The following XCR1 variants were observed in gnomAD, a reference collection of about 807,000 sequenced individuals.
The protein encoded by XCR1 is X-C motif chemokine receptor 1, also known as chemokine XC receptor 1.
For synonymous variants in XCR1, 187 were observed against 188.5 expected, an observed-to-expected ratio of 0.99 and a Z score of 0.06; for missense variants, 356 against 424.2, an observed-to-expected ratio of 0.84 and a Z score of 1.41.
In XCR1 at chr3:46,021,366, G is replaced by A. The variant is rs1443687209; in HGVS notation, c.582C>T (p.Phe194=). Residue 194 remains phenylalanine (F), a synonymous_variant, in exon 2 of 2, where the codon TTC becomes TTT. Transcript: ENST00000309285. This position sits in a 1 kb window ranked among gnomAD's most constrained non-coding sequence, Gnocchi z 4.7. ...LTSVYQHNLF[F]LLSLGIILFC... Reference sequence around the variant, plus strand: ...ACAGGATAATCCCCAGGGACAGCAGGAAGAAGAGGTTGTGCTGGTAGACGG... The same window carrying A: ...ACAGGATAATCCCCAGGGACAGCAGAAAGAAGAGGTTGTGCTGGTAGACGG... 1.9e-6 allele frequency: 3 copies of A among 1,614,206 alleles called. No individual in the cohort carries two copies. The highest frequency in any genetic ancestry group is 1.1e-5 in the South Asian group (1 of 91,084).
At chr3:46,071,777 A>T (rs1303840126) in intron 3 of XCR1, among the ~76,000 whole-genome samples, 1 of 152,152 alleles carries the variant, frequency 6.6e-6, no homozygotes, top group African/African-American at 2.4e-5. Flanking sequence ...TGATAAAAAC[A>T]CTCAACAAAC....
At chr3:46,047,528 AT>A (rs1184268955) in intron 5 of XCR1, among the ~76,000 whole-genome samples, 2 of 152,362 alleles carry the variant, frequency 1.3e-5, no homozygotes, top group African/African-American at 4.8e-5. Context: ...GAGTGGTGAT[AT>A]TCTTTACAAA....
At chr3:46,083,146 A>G (rs1018779268) in intron 1 of XCR1, among the ~76,000 whole-genome samples, 6 of 152,346 alleles carry the variant, frequency 3.9e-5, no homozygotes, top group East Asian at 1.9e-4. Flanking sequence ...ACTAAAATCC[A>G]TGATGTTGTT....
intron 1 of XCR1, among the ~76,000 whole-genome samples, chr3:46,083,524 C>G (rs1698415381): frequency 6.6e-6 from 1 of 152,182 alleles, no homozygotes. Flanking sequence ...ATCTGGCTGG[C>G]CATCAAGAAG....
intron 5 of XCR1, among the ~76,000 whole-genome samples, chr3:46,049,587 A>G (rs1305079053): frequency 6.6e-6 from 1 of 151,670 alleles, no homozygotes; most frequent in African/African-American, 2.4e-5. Context: ...AATCACAGAC[A>G]ATTTTGATAG....
At chr3:46,050,842 C>A (rs1697727786) in intron 5 of XCR1, among the ~76,000 whole-genome samples, 1 of 152,162 alleles carries the variant, frequency 6.6e-6, no homozygotes. Flanking sequence ...GGAAGGTAAA[C>A]CTTGCTGTAA....
intron 1 of XCR1, among the ~76,000 whole-genome samples, chr3:46,025,070 G>A (rs756556315): frequency 1.9e-4 from 29 of 152,132 alleles, no homozygotes; most frequent in Non-Finnish European, 2.6e-4. Context: ...CTTTAAATGC[G>A]TGTATTAGAA....
intron 1 of XCR1, chr3:46,023,207 CAG>C (rs1163420483): frequency 5.9e-6 from 3 of 505,638 alleles, no homozygotes; most frequent in African/African-American, 2.0e-5. Context: ...CCTCTGCGCC[CAG>C]AGAGGACGCG....
chr3:46,035,714 G>A (rs2125896525), intron 5 of XCR1, among the ~76,000 whole-genome samples: 1 of 152,344 alleles, frequency 6.6e-6, no homozygotes, highest in Non-Finnish European at 1.5e-5. Flanking sequence ...GGCCCAGACA[G>A]CAGGAGATGC....
At chr3:46,062,482 T>C (rs9311384) in intron 4 of XCR1, among the ~76,000 whole-genome samples, 112,414 of 152,214 alleles carry the variant, frequency 0.74, 41,904 homozygotes, top group East Asian at 0.99. Flanking sequence ...CTCAGAACTT[T>C]CTATGTTACG....
chr3:46,026,965 C>T (rs1352923766), intron 1 of XCR1, among the ~76,000 whole-genome samples: 3 of 151,358 alleles, frequency 2.0e-5, no homozygotes, highest in African/African-American at 7.3e-5. Flanking sequence ...GATCACATCT[C>T]AACCTCCTGA....
intron 4 of XCR1, among the ~76,000 whole-genome samples, chr3:46,058,061 C>T (rs988289714): frequency 1.3e-5 from 2 of 152,148 alleles, no homozygotes; most frequent in African/African-American, 2.4e-5. Context: ...AAGCCTGACT[C>T]ATATGGATTT....
chr3:46,040,632 T>C (rs1282171841), intron 5 of XCR1, among the ~76,000 whole-genome samples: 1 of 152,102 alleles, frequency 6.6e-6, no homozygotes, highest in Non-Finnish European at 1.5e-5. Flanking sequence ...TAAATTGTTG[T>C]ATGCCACAGA....
In XCR1 at chr3:46,020,649, A is replaced by C; in HGVS notation, c.*297T>G. ...TCCTTTCATGTCTTAGAACCTTCTG[A>C]ACTAAACAGTGATTAGAAACACATG... is the stretch of plus-strand genomic sequence containing the variant. On this transcript the variant is annotated 3_prime_UTR_variant, in exon 2 of 2. Transcript: ENST00000309285. 3 of 435,638 alleles carry C rather than the reference A, an allele frequency of 6.9e-6. No individual in the cohort carries two copies. Among genetic ancestry groups the C allele is most frequent in the Non-Finnish European group, 1.2e-5 (3 of 241,284 alleles). 27.0% of individuals were successfully genotyped at this position (435,638 alleles called of 1,614,324 possible).
intron 1 of XCR1, among the ~76,000 whole-genome samples, chr3:46,080,712 G>A (rs1166566088): frequency 6.6e-6 from 1 of 152,196 alleles, no homozygotes; most frequent in Non-Finnish European, 1.5e-5. Flanking sequence ...GGCTTATGAT[G>A]TGGACTTAAT....
chr3:46,038,723 A>AT (rs1455577774), intron 5 of XCR1, among the ~76,000 whole-genome samples: 1 of 152,158 alleles, frequency 6.6e-6, no homozygotes. Context: ...TACAAGACTT[A>AT]TTTTTACAAG....
rs182239025 is a variant in XCR1 at position 46,063,906 on chromosome 3, G to T, written c.-183+2993C>A. On this transcript the variant is annotated intron_variant, in intron 4 of 5. Transcript: ENST00000683768. ...ATTTTTTGAGACAGGGCCTCGCTCT[G>T]CCACCCAGGCTGGAGTGCAGAGGTG... Among the ~76,000 whole-genome samples, 3 of 152,236 alleles carry T rather than the reference G, an allele frequency of 2.0e-5. No individual in the cohort carries two copies. The East Asian group carries it at 5.8e-4, about 29-fold the overall frequency.
At chr3:46,030,222 T>C (rs1708371955), upstream of XCR1, among the ~76,000 whole-genome samples, 1 of 152,162 alleles carries the variant, frequency 6.6e-6, no homozygotes, top group African/African-American at 2.4e-5. Flanking sequence ...GAGAGGACAA[T>C]GGACATCATT....
At chr3:46,024,116 A>G (rs1708237229) in intron 1 of XCR1, 1 of 735,142 alleles carries the variant, frequency 1.4e-6, no homozygotes, top group African/African-American at 1.8e-5. Context: ...CCCCTTATGG[A>G]TCTCCCTGAG....
Sources: allele counts gnomAD v4.1 joint callset (sites outside exome capture counted in the v4.1 genomes callset), GRCh38; gene constraint gnomAD v4.1.1; non-coding constraint Gnocchi (gnomAD v3.1); transcripts MANE v1.5; gene names NCBI Gene and HGNC (gene_info 2026-07-23, HGNC 2026-07-21).